The following CNKSR3 variants were observed in gnomAD, a reference collection of about 807,000 sequenced individuals.
The protein encoded by CNKSR3 is CNKSR family member 3.
A neutral mutation model predicts 67.7 loss-of-function variants in CNKSR3; 36 were observed. That is an observed-to-expected ratio of 0.53 (90% CI 0.41 to 0.70). CNKSR3 has a LOEUF of 0.70. Ranked by LOEUF, CNKSR3 falls within the 30% of genes least tolerant of loss-of-function variation. The pLI is 0.00. For missense variants in CNKSR3, 630 were observed against 695.2 expected, an observed-to-expected ratio of 0.91 and a Z score of 1.05; for synonymous variants, 281 against 271.4, an observed-to-expected ratio of 1.04 and a Z score of -0.35.
intron 12 of CNKSR3, among the ~76,000 whole-genome samples, chr6:154,410,085 A>G (rs1784876747): frequency 6.6e-6 from 1 of 152,210 alleles, no homozygotes; most frequent in Non-Finnish European, 1.5e-5. Flanking sequence ...ATTAAAGTCT[A>G]TAGCCTTTTT....
rs750113726 is a variant in CNKSR3, at chr6:154,441,374, G to A, written c.425C>T (p.Pro142Leu). 39 of 1,613,178 alleles carry A rather than the reference G, an allele frequency of 2.4e-5. No homozygotes were observed. The highest frequency in any genetic ancestry group is 4.4e-5 in the South Asian group (4 of 91,048). Residue 142 changes from proline to leucine, a missense_variant, in exon 4 of 13, where the codon CCG becomes CTG. Transcript: ENST00000607772. ...TGAGAAATCAGTGATCCCTGTAAAC[G>A]GAGCCCTAGAAGGTAGCAACAATCC... Reference protein sequence around the residue: ...KALLAWLDRAPFTGITDFSVT... With the variant: ...KALLAWLDRALFTGITDFSVT...
intron 1 of CNKSR3, among the ~76,000 whole-genome samples, chr6:154,454,102 CACAG>C (rs774610292): frequency 0.088 from 10,091 of 114,074 alleles, 432 homozygotes; most frequent in Non-Finnish European, 0.13. Context: ...CACACACACA[CACAG>C]AGAGAGAGAG....
At chr6:154,414,711 G>A (rs769560659) in intron 9 of CNKSR3, 27 of 556,582 alleles carry the variant, frequency 4.9e-5, no homozygotes, top group Non-Finnish European at 9.0e-5. Context: ...AACATCTGTG[G>A]CCTCCCTTTC....
intron 4 of CNKSR3, among the ~76,000 whole-genome samples, chr6:154,441,071 A>G (rs1785570690): frequency 6.6e-6 from 1 of 152,064 alleles, no homozygotes; most frequent in Non-Finnish European, 1.5e-5. Flanking sequence ...ACACACAAAA[A>G]GGTAATCTTT....
At chr6:154,497,399 GAGAA>G (rs1786901677) in intron 1 of CNKSR3, among the ~76,000 whole-genome samples, 1 of 151,988 alleles carries the variant, frequency 6.6e-6, no homozygotes, top group Admixed American at 6.6e-5. Flanking sequence ...TCAAAAACGA[GAGAA>G]AGAGAGAGAG....
chr6:154,471,317 C>T (rs550540429), intron 1 of CNKSR3, among the ~76,000 whole-genome samples: 4 of 152,098 alleles, frequency 2.6e-5, no homozygotes, highest in African/African-American at 9.7e-5. Flanking sequence ...GCAGGCAGAT[C>T]GCTTGAGGTC....
At position 154,452,100 on chromosome 6, in the gene CNKSR3, A is replaced by G. The variant is rs559816582; in HGVS notation, c.53-1842T>C. Among the ~76,000 whole-genome samples the G allele has an allele frequency of 9.8e-5, 15 of 152,296 alleles. No homozygotes were observed. The South Asian group carries it at 3.1e-3, about 32-fold the overall frequency. On this transcript the variant is annotated intron_variant, in intron 1 of 12. Coordinates refer to ENST00000607772, the MANE Select transcript of CNKSR3 (RefSeq NM_173515.4). ...CAGTATCTATCTGTAGCAGGCAACC[A>G]TGACAAGGGACAAGATTGAAGGACA...
chr6:154,396,637 C>T lies in CNKSR3; in HGVS notation c.*9717G>A, dbSNP rs1450756502. The T allele has an allele frequency of 6.6e-6, 1 of 152,114 alleles. No homozygotes were observed. Among genetic ancestry groups the T allele is most frequent in the Non-Finnish European group, 1.5e-5 (1 of 68,014 alleles). The allele number at this position is 152,114 out of a possible 1,614,324, so 9.4% of individuals were successfully genotyped here. A position where few individuals can be genotyped will look rare whatever the true frequency, so the allele number is the denominator to read the frequency against. ...GAAAAACAGAAGAGACCAGTTAATT[C>T]TATTCAGAGTAAGATCAAGGAGGAC... On this transcript the variant is annotated 3_prime_UTR_variant, in exon 13 of 13. Transcript: ENST00000607772.
chr6:154,504,337 C>T (rs1787055261), intron 1 of CNKSR3, among the ~76,000 whole-genome samples: 1 of 152,124 alleles, frequency 6.6e-6, no homozygotes, highest in Admixed American at 6.5e-5. Context: ...GACAGGTGCC[C>T]CTGGATGATA....
chr6:154,468,818 T>G (rs1243245310), intron 1 of CNKSR3, among the ~76,000 whole-genome samples: 1 of 152,198 alleles, frequency 6.6e-6, no homozygotes, highest in African/African-American at 2.4e-5. Context: ...TTCCTCTCTG[T>G]GTACAGAAGT....
intron 1 of CNKSR3, among the ~76,000 whole-genome samples, chr6:154,500,208 G>A (rs1221415417): frequency 1.3e-5 from 2 of 151,904 alleles, no homozygotes; most frequent in Non-Finnish European, 2.9e-5. Context: ...AAATTACTGT[G>A]AGAACATGCA....
chr6:154,420,046 C>T (rs538129173), intron 9 of CNKSR3, among the ~76,000 whole-genome samples: 35 of 152,122 alleles, frequency 2.3e-4, no homozygotes, highest in African/African-American at 8.0e-4. Flanking sequence ...CACGGCACTG[C>T]ACTCCAGCCT....
chr6:154,402,826 G>A lies in CNKSR3; in HGVS notation c.*3528C>T, dbSNP rs1481399466. The A allele has an allele frequency of 1.3e-5, 2 of 152,108 alleles. No individual in the cohort carries two copies. Among genetic ancestry groups the A allele is most frequent in the Non-Finnish European group, 2.9e-5 (2 of 68,022 alleles). The allele number at this position is 152,108 out of a possible 1,614,324, so 9.4% of individuals were successfully genotyped here. A position where few individuals can be genotyped will look rare whatever the true frequency, so the allele number is the denominator to read the frequency against. On this transcript the variant is annotated 3_prime_UTR_variant, in exon 13 of 13. Coordinates refer to ENST00000607772, the MANE Select transcript of CNKSR3 (RefSeq NM_173515.4). Reference sequence around the variant, plus strand: ...TGAATTGGTAACTACCACATTCATGGTGATTTTTCACATATTTATATTTAT... The same window carrying A: ...TGAATTGGTAACTACCACATTCATGATGATTTTTCACATATTTATATTTAT...
chr6:154,405,458 G>A lies in CNKSR3; in HGVS notation c.*896C>T, dbSNP rs1267881785. 6.6e-6 allele frequency: 1 copy of A among 152,548 alleles called. No individual in the cohort carries two copies. Among genetic ancestry groups the A allele is most frequent in the Admixed American group, 6.5e-5 (1 of 15,276 alleles). 9.4% of individuals were successfully genotyped at this position (152,548 alleles called of 1,614,324 possible). ...ATGCTAGTTGAAAATTAGTGACCATGAGGCTTTCCAAGATATTTCTAATTA... is the reference window on the plus strand; with the variant it reads ...ATGCTAGTTGAAAATTAGTGACCATAAGGCTTTCCAAGATATTTCTAATTA... On this transcript the variant is annotated 3_prime_UTR_variant, in exon 13 of 13. Coordinates refer to ENST00000607772, the MANE Select transcript of CNKSR3 (RefSeq NM_173515.4).
intron 1 of CNKSR3, among the ~76,000 whole-genome samples, chr6:154,471,121 A>T (rs949228796): frequency 7.9e-5 from 12 of 152,352 alleles, no homozygotes; most frequent in Non-Finnish European, 1.5e-4. Flanking sequence ...AACTTCAGTC[A>T]TTCAGTCATT....
Position 154,396,505 on chromosome 6 carries a change from A to G in CNKSR3, c.*9849T>C, listed in dbSNP as rs1784662248. On this transcript the variant is annotated 3_prime_UTR_variant, in exon 13 of 13. Transcript: ENST00000607772. ...TTAATTTTACCATCTAGTTACTTCA[A>G]TAATATTTTCTCTGCCTACAGAGCA... The G allele has an allele frequency of 6.6e-6, 1 of 152,200 alleles. No homozygotes were observed. The highest frequency in any genetic ancestry group is 2.4e-5 in the African/African-American group (1 of 41,448). 9.4% of individuals were successfully genotyped at this position (152,200 alleles called of 1,614,324 possible). A position where few individuals can be genotyped will look rare whatever the true frequency, so the allele number is the denominator to read the frequency against.
Position 154,389,205 on chromosome 6 carries a change from G to C in CNKSR3, c.*17149C>G, listed in dbSNP as rs1246096431. 4 of 152,096 alleles carry C rather than the reference G, an allele frequency of 2.6e-5. No homozygotes were observed. The highest frequency in any genetic ancestry group is 5.9e-5 in the Non-Finnish European group (4 of 68,022). The allele number at this position is 152,096 out of a possible 1,614,324, so 9.4% of individuals were successfully genotyped here. ...AGCTTTTCGCCTATGTTTTCTTCTA[G>C]GAGTTTTACAGCTTCAGATTTTATG... is the stretch of plus-strand genomic sequence containing the variant. On this transcript the variant is annotated 3_prime_UTR_variant, in exon 13 of 13. Transcript: ENST00000607772.
chr6:154,489,697 C>T (rs1253184295), intron 1 of CNKSR3, among the ~76,000 whole-genome samples: 3 of 152,076 alleles, frequency 2.0e-5, no homozygotes, highest in South Asian at 2.1e-4. Flanking sequence ...TCTTTGGGGG[C>T]GTGGGGTTAG....
At chr6:154,483,489 C>T (rs1406159499) in intron 1 of CNKSR3, among the ~76,000 whole-genome samples, 1 of 151,952 alleles carries the variant, frequency 6.6e-6, no homozygotes, top group Non-Finnish European at 1.5e-5. Flanking sequence ...CTAGAAGTCC[C>T]CTACCCTCAC....
Sources: allele counts gnomAD v4.1 joint callset (sites outside exome capture counted in the v4.1 genomes callset), GRCh38; gene constraint gnomAD v4.1.1; transcripts MANE v1.5; gene names NCBI Gene and HGNC (gene_info 2026-07-23, HGNC 2026-07-21).